The following LRGUK variants were observed in gnomAD, a reference collection of about 807,000 sequenced individuals.
LRGUK encodes leucine-rich repeat and guanylate kinase domain-containing protein.
Under a neutral mutation model 76.0 loss-of-function variants are expected in LRGUK, and 65 were observed. The observed-to-expected ratio is 0.85, with a 90% CI of 0.70 to 1.05. LRGUK has a LOEUF of 1.05. LRGUK is among the 50% of genes least tolerant of loss of function. The pLI, the probability that LRGUK is intolerant of heterozygous loss-of-function variation, is 0.00. For synonymous variants in LRGUK, 268 were observed against 265.6 expected (o/e 1.01, Z -0.09); for missense variants, 758 against 732.8 (o/e 1.03, Z -0.40).
In LRGUK at chr7:134,135,790, G is replaced by A. The variant is rs548113982; in HGVS notation, c.298-1233G>A. Among the ~76,000 whole-genome samples the A allele has an allele frequency of 2.8e-4, 42 of 152,264 alleles. 1 individual carries two copies. The highest frequency in any genetic ancestry group is 7.4e-5 in the Non-Finnish European group (5 of 68,018). ...CCTGCCTCAGCCTCCTGAGTAGCTG[G>A]GACTCCAGGCGCCCGCCACCACATC... On this transcript the variant is annotated intron_variant, in intron 1 of 15. Transcript: ENST00000645682.
At chr7:134,212,052 A>C (rs749522653), downstream of LRGUK, among the ~76,000 whole-genome samples, 1 of 152,184 alleles carries the variant, frequency 6.6e-6, no homozygotes, top group Non-Finnish European at 1.5e-5. Context: ...GGTGGGAAAC[A>C]TGGTTACCAG....
chr7:134,158,333 T>TGAGA (rs376106200), intron 6 of LRGUK, among the ~76,000 whole-genome samples, 174 bp downstream of exon 6: 1 of 151,528 alleles, frequency 6.6e-6, no homozygotes, highest in African/African-American at 2.4e-5. Context: ...TGTGTGGTTG[T>TGAGA]GAGAGAGAGA....
chr7:134,190,069 G>A (rs897255051), intron 11 of LRGUK, among the ~76,000 whole-genome samples: 1 of 152,088 alleles, frequency 6.6e-6, no homozygotes, highest in Admixed American at 6.5e-5. Flanking sequence ...TTGCTACTTA[G>A]TAACATTACT....
At chr7:134,217,353 T>C (rs1053924826) in intron 15 of LRGUK, among the ~76,000 whole-genome samples, 1 of 152,168 alleles carries the variant, frequency 6.6e-6, no homozygotes, top group African/African-American at 2.4e-5. Context: ...TTTTTCTTGA[T>C]ATAGAAATTG....
At chr7:134,156,413 A>G (rs542563459) in intron 5 of LRGUK, among the ~76,000 whole-genome samples, 9 of 152,324 alleles carry the variant, frequency 5.9e-5, no homozygotes. Context: ...AGTAATAGTA[A>G]GAAAATAAGT....
chr7:134,232,861 C>G (rs946606151), intron 16 of LRGUK, among the ~76,000 whole-genome samples: 12 of 152,100 alleles, frequency 7.9e-5, no homozygotes, highest in African/African-American at 2.7e-4. Context: ...TATTTCTTCT[C>G]TCTTCCTATC....
intron 15 of LRGUK, among the ~76,000 whole-genome samples, chr7:134,220,300 G>A (rs1346604479): frequency 6.6e-6 from 1 of 152,108 alleles, no homozygotes; most frequent in East Asian, 1.9e-4. Context: ...TCAAGACAGG[G>A]GCTAGGTGGA....
chr7:134,127,566 C>T lies in LRGUK; in HGVS notation c.199C>T (p.His67Tyr), dbSNP rs750302898. The T allele has an allele frequency of 3.7e-6, 6 of 1,614,082 alleles. No individual in the cohort carries two copies. In the African/African-American group the frequency reaches 6.7e-5, roughly 18 times the overall value. The change falls in exon 1 of 16, where the codon CAC (histidine) becomes TAC (tyrosine). Residue 67 changes from histidine (H) to tyrosine (Y), a missense_variant. His to Tyr is a moderately conservative substitution (Grantham distance 83). Coordinates refer to ENST00000645682, the Ensembl canonical transcript of LRGUK. ...CTCCTACCTGCTCCAGCAGCTCATG[C>T]ACCGCTATCAGGAGCTGGACTCGGA...
At chr7:134,184,365 G>T (rs1438121733) in intron 11 of LRGUK, among the ~76,000 whole-genome samples, 1 of 151,706 alleles carries the variant, frequency 6.6e-6, no homozygotes, top group East Asian at 1.9e-4. Flanking sequence ...CACCTCTCGG[G>T]TTCATACCAT....
At chr7:134,144,686 G>T (rs955803602) in intron 4 of LRGUK, among the ~76,000 whole-genome samples, 5 of 152,102 alleles carry the variant, frequency 3.3e-5, no homozygotes, top group African/African-American at 7.2e-5. Context: ...TTGAAATCAA[G>T]AAACAGACAT....
intron 1 of LRGUK, among the ~76,000 whole-genome samples, chr7:134,131,995 G>A (rs1241772467): frequency 1.3e-5 from 2 of 152,142 alleles, no homozygotes; most frequent in East Asian, 1.9e-4. Context: ...AACTGGGAAG[G>A]ACTGGTAAGA....
chr7:134,156,218 C>T (rs1798451283), intron 5 of LRGUK, among the ~76,000 whole-genome samples: 1 of 152,146 alleles, frequency 6.6e-6, no homozygotes, highest in African/African-American at 2.4e-5. Flanking sequence ...GTTTATTAGC[C>T]ACTTAGATTC....
intron 10 of LRGUK, among the ~76,000 whole-genome samples, chr7:134,183,445 G>A (rs1411171603): frequency 2.0e-5 from 3 of 152,020 alleles, no homozygotes; most frequent in Non-Finnish European, 2.9e-5. Context: ...TTTTGGGGAG[G>A]AATATTTCAC....
At chr7:134,132,360 A>T (rs1026186823) in intron 1 of LRGUK, among the ~76,000 whole-genome samples, 1 of 152,090 alleles carries the variant, frequency 6.6e-6, no homozygotes, top group African/African-American at 2.4e-5. Context: ...GTCTCAAAAA[A>T]ATAAAAAAAA....
intron 5 of LRGUK, among the ~76,000 whole-genome samples, chr7:134,149,310 GC>G (rs1798108922): frequency 6.6e-6 from 1 of 152,058 alleles, no homozygotes; most frequent in Non-Finnish European, 1.5e-5. Context: ...TAGCAGGGGA[GC>G]CAGTACCTTC....
intron 5 of LRGUK, among the ~76,000 whole-genome samples, chr7:134,154,664 C>T (rs201353002): frequency 6.6e-6 from 1 of 152,240 alleles, no homozygotes; most frequent in East Asian, 1.9e-4. Context: ...CAGAGATGTT[C>T]AGGCAACTCC....
intron 16 of LRGUK, among the ~76,000 whole-genome samples, chr7:134,236,182 A>G (rs936151300): frequency 3.3e-5 from 5 of 152,166 alleles, no homozygotes; most frequent in East Asian, 1.9e-4. Context: ...CCACTCCCCA[A>G]GTTGGGACAT....
chr7:134,165,436 C>T (rs1171191578), intron 7 of LRGUK, among the ~76,000 whole-genome samples: 2 of 152,160 alleles, frequency 1.3e-5, no homozygotes. Flanking sequence ...ATGGGCCTCC[C>T]TTCTGAAAGG....
chr7:134,183,651 G>C (rs953859029), intron 10 of LRGUK, 83 bp from the exon 11 acceptor site: 2 of 1,532,528 alleles, frequency 1.3e-6, no homozygotes, highest in African/African-American at 2.7e-5. Context: ...CATTTAGCCA[G>C]GTTAATGGTG....
Sources: allele counts gnomAD v4.1 joint callset (sites outside exome capture counted in the v4.1 genomes callset), GRCh38; gene constraint gnomAD v4.1.1; transcripts MANE v1.5; gene names NCBI Gene and HGNC (gene_info 2026-07-23, HGNC 2026-07-21).